Variants in FHIT observed in about 807,000 individuals in gnomAD.
FHIT encodes the protein bis(5'-adenosyl)-triphosphatase.
FHIT carries 19 observed loss-of-function variants against 17.9 expected under a neutral mutation model. The ratio of observed to expected loss-of-function variants is 1.06; its 90% CI spans 0.74 to 1.56. The LOEUF is 1.56. Ranked by LOEUF, FHIT falls within the 40% of genes most tolerant of loss-of-function variation. The probability of loss-of-function intolerance (pLI) is 0.00; values close to 1 mark genes in which losing one functional copy is unlikely to be tolerated. For missense variants in FHIT, 248 were observed against 189.2 expected (o/e 1.31, Z -1.82); for synonymous variants, 81 against 69.7 (o/e 1.16, Z -0.81).
At chr3:60,951,620 C>G (rs1319181392) in intron 3 of FHIT, among the ~76,000 whole-genome samples, 2 of 152,188 alleles carry the variant, frequency 1.3e-5, no homozygotes, top group African/African-American at 2.4e-5. Flanking sequence ...AACCCACTTA[C>G]CATTTAGAAG....
At chr3:61,060,481 G>A (rs2034388818) in intron 2 of FHIT, among the ~76,000 whole-genome samples, 1 of 152,196 alleles carries the variant, frequency 6.6e-6, no homozygotes, top group African/African-American at 2.4e-5. Flanking sequence ...GCAGCTTTCT[G>A]GGAAAAAGCA....
At chr3:61,219,959 A>C (rs1422717316) in intron 1 of FHIT, among the ~76,000 whole-genome samples, 1 of 152,212 alleles carries the variant, frequency 6.6e-6, no homozygotes, top group Non-Finnish European at 1.5e-5. Context: ...CACCATTCTT[A>C]AGGCAACATT....
chr3:60,545,762 T>G (rs946653289), intron 4 of FHIT, among the ~76,000 whole-genome samples: 1 of 152,218 alleles, frequency 6.6e-6, no homozygotes, highest in African/African-American at 2.4e-5. Context: ...TCATTGAAAG[T>G]TGAAGCTTGT....
At chr3:60,251,050 T>C (rs1211128363) in intron 5 of FHIT, among the ~76,000 whole-genome samples, 1 of 152,184 alleles carries the variant, frequency 6.6e-6, no homozygotes, top group Admixed American at 6.5e-5. Context: ...ATTACTTCCT[T>C]GTGGGTTTTC....
intron 4 of FHIT, among the ~76,000 whole-genome samples, chr3:60,567,908 A>T (rs1440116057): frequency 6.6e-6 from 1 of 152,228 alleles, no homozygotes; most frequent in Non-Finnish European, 1.5e-5. Flanking sequence ...CCGCAATGAG[A>T]TACCATCTCT....
At chr3:60,244,869 A>G (rs1227320816) in intron 5 of FHIT, among the ~76,000 whole-genome samples, 1 of 152,132 alleles carries the variant, frequency 6.6e-6, no homozygotes, top group African/African-American at 2.4e-5. Context: ...TATTCCTGAC[A>G]TCTCAAAAGA....
At chr3:59,988,789 T>C (rs2630167) in intron 7 of FHIT, among the ~76,000 whole-genome samples, 22,012 of 151,986 alleles carry the variant, frequency 0.14, 2,029 homozygotes, top group African/African-American at 0.26. Flanking sequence ...AAGCAGAGGT[T>C]AAGTAAGTAG....
chr3:60,800,639 A>G (rs1701153678), intron 4 of FHIT, among the ~76,000 whole-genome samples: 1 of 152,190 alleles, frequency 6.6e-6, no homozygotes, highest in Non-Finnish European at 1.5e-5. Flanking sequence ...TGTACAAGAA[A>G]TTGATTGAAA....
At chr3:60,989,781 T>G (rs887909386) in intron 3 of FHIT, among the ~76,000 whole-genome samples, 9 of 152,170 alleles carry the variant, frequency 5.9e-5, no homozygotes, top group African/African-American at 2.2e-4. Flanking sequence ...TAATAAGCAA[T>G]GCATTATCCC....
intron 8 of FHIT, among the ~76,000 whole-genome samples, chr3:59,838,609 T>G (rs963771638): frequency 2.0e-5 from 3 of 152,108 alleles, no homozygotes; most frequent in African/African-American, 7.2e-5. Context: ...TTAGAGGGCT[T>G]AGGTTTAGAG....
At chr3:60,988,076 T>A (rs936468916) in intron 3 of FHIT, among the ~76,000 whole-genome samples, 6 of 152,218 alleles carry the variant, frequency 3.9e-5, no homozygotes, top group African/African-American at 1.4e-4. Context: ...CACCTTGTAC[T>A]ATCAAACCAG....
At chr3:59,870,321 A>T (rs1409424818) in intron 8 of FHIT, among the ~76,000 whole-genome samples, 1 of 152,228 alleles carries the variant, frequency 6.6e-6, no homozygotes, top group Non-Finnish European at 1.5e-5. Context: ...TGAAGCTTAA[A>T]GAAATTCATC....
chr3:60,113,776 C>T (rs1385677070), intron 5 of FHIT, among the ~76,000 whole-genome samples: 2 of 150,134 alleles, frequency 1.3e-5, no homozygotes, highest in Non-Finnish European at 1.5e-5. Context: ...CCGAGGCGAG[C>T]GGATCACGAG....
intron 5 of FHIT, among the ~76,000 whole-genome samples, chr3:60,066,844 G>A (rs559923169): frequency 3.3e-4 from 50 of 151,702 alleles, no homozygotes; most frequent in African/African-American, 1.2e-3. Context: ...TTTTAGTAGA[G>A]ACGGGGTTTC....
intron 2 of FHIT, among the ~76,000 whole-genome samples, chr3:61,132,597 GA>G (rs1160820560): frequency 6.6e-6 from 1 of 152,150 alleles, no homozygotes; most frequent in African/African-American, 2.4e-5. Context: ...GGCCTCTTAG[GA>G]TTAGGAGGAG....
Position 60,532,511 on chromosome 3 carries a change from T to C in FHIT, c.103+4349A>G, listed in dbSNP as rs146201518. Among the ~76,000 whole-genome samples the C allele has an allele frequency of 2.2e-3, 330 of 152,338 alleles. 2 individuals are homozygous for C. Among genetic ancestry groups the C allele is most frequent in the Middle Eastern group, 0.017 (5 of 294 alleles). On this transcript the variant is annotated intron_variant, in intron 5 of 9. Coordinates refer to ENST00000492590, the MANE Select transcript of FHIT (RefSeq NM_002012.4). ...CACTGAGACACAGGAATAAAATGTT[T>C]GCTGCAGAATTCTGAATGTGTACTC...
At position 60,122,908 on chromosome 3, in the gene FHIT, G is replaced by A. The variant is rs541824825; in HGVS notation, c.104-108756C>T. On this transcript the variant is annotated intron_variant, in intron 5 of 9. Transcript: ENST00000492590. ...ATAAGGGATCTGAAATGTTTCCAGA[G>A]TTTTAAAATGGACTGTTTTACACAA... Among the ~76,000 whole-genome samples, 51 of 152,302 alleles carry A rather than the reference G, an allele frequency of 3.3e-4. 2 individuals carry two copies. In the South Asian group the frequency reaches 0.01, roughly 31 times the overall value.
At chr3:60,377,309 G>A (rs971813441) in intron 5 of FHIT, among the ~76,000 whole-genome samples, 2 of 149,354 alleles carry the variant, frequency 1.3e-5, no homozygotes, top group Non-Finnish European at 3.0e-5. Flanking sequence ...CTACAGGCAC[G>A]CACCAACACG....
Position 60,995,251 on chromosome 3 carries a change from C to T in FHIT, c.-111+46796G>A, listed in dbSNP as rs547386871. ...ATGAGAATGGCGTGAACCCGGGAGG[C>T]GGAGCTTGCAGTGAGCCGAGATCGT... On this transcript the variant is annotated intron_variant, in intron 3 of 9. Coordinates refer to ENST00000492590, the MANE Select transcript of FHIT (RefSeq NM_002012.4). Among the ~76,000 whole-genome samples, 585 of 152,168 alleles carry T rather than the reference C, an allele frequency of 3.8e-3. 4 individuals are homozygous for T. The highest frequency in any genetic ancestry group is 0.014 in the African/African-American group (571 of 41,520).
Sources: gnomAD v4.1 joint callset for allele counts (sites outside exome capture counted in the v4.1 genomes callset) on GRCh38, gnomAD v4.1.1 for gene constraint, MANE v1.5 for transcripts, NCBI Gene and HGNC (gene_info 2026-07-23, HGNC 2026-07-21) for gene names.